ICE1: variants seen among roughly 807,000 people sequenced by gnomAD.
ICE1 encodes interactor of little elongation complex ELL subunit 1, also known as little elongation complex subunit 1.
ICE1 carries 64 observed loss-of-function variants against 192.7 expected under a neutral mutation model. The ratio of observed to expected loss-of-function variants is 0.33; its 90% CI spans 0.27 to 0.41. The LOEUF is 0.41. ICE1 is among the 10% of genes least tolerant of loss of function. The pLI is 1.00. For synonymous variants in ICE1, 1,010 were observed against 984.5 expected (o/e 1.03, Z -0.49); for missense variants, 2,708 against 2,696.0 (o/e 1.00, Z -0.10).
chr5:5,473,982 G>T (rs1007388844), intron 16 of ICE1, among the ~76,000 whole-genome samples: 1 of 152,020 alleles, frequency 6.6e-6, no homozygotes, highest in African/African-American at 2.4e-5. Context: ...AGGCCGAGGT[G>T]GGCAGATCAC....
chr5:5,444,569 C>T (rs1426922532), intron 7 of ICE1, among the ~76,000 whole-genome samples: 2 of 152,146 alleles, frequency 1.3e-5, no homozygotes, highest in East Asian at 1.9e-4. Flanking sequence ...TCAAAGTAAT[C>T]GCAGCCCATA....
intron 17 of ICE1, among the ~76,000 whole-genome samples, chr5:5,483,234 G>A (rs1347047549): frequency 6.6e-6 from 1 of 152,148 alleles, no homozygotes. Context: ...GGCCTCAGGT[G>A]ATCCTCCTGC....
At position 5,460,800 on chromosome 5, in the gene ICE1, G is replaced by A. The variant is rs1169723456; in HGVS notation, c.1466G>A (p.Arg489Lys). 4.3e-6 allele frequency: 7 copies of A among 1,613,904 alleles called. No homozygotes were observed. The highest frequency in any genetic ancestry group is 5.9e-6 in the Non-Finnish European group (7 of 1,179,906). The change falls in exon 13 of 19, where the codon AGG becomes AAG. Residue 489 changes from arginine to lysine, a missense_variant. Arg to Lys is a conservative substitution (Grantham distance 26, BLOSUM62 2). This residue lies in a region of ICE1 where 2,366 missense variants were observed against 2,276.6 expected (regional missense o/e 1.04). Coordinates refer to ENST00000296564, the MANE Select transcript of ICE1 (RefSeq NM_015325.3). Reference protein sequence around the residue: ...LHETKTQMEVREMDKSVQTEK... With the variant: ...LHETKTQMEVKEMDKSVQTEK... ...GAGACAAAAACACAAATGGAGGTTA[G>A]GGAGATGGATAAGTCAGTACAAACT...
In ICE1 at chr5:5,489,265, G is replaced by A. The variant is rs771335416; in HGVS notation, c.6736G>A (p.Val2246Ile). Residue 2246 changes from valine (V) to isoleucine (I), a missense_variant, in exon 19 of 19, where the codon GTT (valine) becomes ATT (isoleucine). Coordinates refer to ENST00000296564, the MANE Select transcript of ICE1 (RefSeq NM_015325.3). ...TTGGCGGAGAGAGGCCTCCAAAAGC[G>A]TTCCGTCTGCGATTGTCAGCTGCCT... is the stretch of plus-strand genomic sequence containing the variant. ...EAWRREASKS[V>I]PSAIVSCLEE... 1.3e-5 allele frequency: 21 copies of A among 1,613,650 alleles called. No individual in the cohort carries two copies. In the East Asian group the frequency reaches 2.0e-4, roughly 15 times the overall value.
At chr5:5,442,962 T>G (rs1265307825) in intron 5 of ICE1, among the ~76,000 whole-genome samples, 1 of 152,240 alleles carries the variant, frequency 6.6e-6, no homozygotes, top group Non-Finnish European at 1.5e-5. Context: ...ATATTGTTTT[T>G]AAGTTTTATA....
At position 5,461,041 on chromosome 5, in the gene ICE1, T is replaced by G; in HGVS notation, c.1707T>G (p.Ile569Met). 1 of 1,614,060 alleles carries G rather than the reference T, an allele frequency of 6.2e-7. No individual in the cohort carries two copies. Among genetic ancestry groups the G allele is most frequent in the African/African-American group, 1.3e-5 (1 of 75,066 alleles). The change falls in exon 13 of 19, where the codon ATT becomes ATG. Residue 569 changes from isoleucine (I) to methionine (M), a missense_variant. Transcript: ENST00000296564. ...PKSEFTKWTR[I>M]NEITSEPDRI... ...CAGAGTTTACTAAGTGGACACGAAT[T>G]AATGAAATCACTTCTGAACCAGACC...
intron 16 of ICE1, among the ~76,000 whole-genome samples, chr5:5,475,009 A>G (rs1426270937): frequency 6.6e-6 from 1 of 152,196 alleles, no homozygotes; most frequent in East Asian, 1.9e-4. Context: ...TAAATAAGAA[A>G]ATGACAGAAC....
At position 5,462,413 on chromosome 5, in the gene ICE1, TCTG is replaced by T; in HGVS notation, c.3080_3082del (p.Ser1027_Gly1028delinsCys). 1 of 1,613,932 alleles carries T rather than the reference TCTG, an allele frequency of 6.2e-7. No homozygotes were observed. The highest frequency in any genetic ancestry group is 1.1e-5 in the South Asian group (1 of 91,076). ...AACCAGCTGTGGAGACACAGGGAGA[TCTG>T]GTGGTGAGGCCCTGGCTGTTGCAAA... On this transcript the variant is annotated inframe_deletion, in exon 13 of 19. Transcript: ENST00000296564.
intron 1 of ICE1, among the ~76,000 whole-genome samples, chr5:5,432,934 C>T (rs1737764690): frequency 6.6e-6 from 1 of 152,098 alleles, no homozygotes; most frequent in African/African-American, 2.4e-5. Flanking sequence ...TTGCAAAGAG[C>T]GAGTAGCAGA....
At chr5:5,471,183 A>G (rs1376538422) in intron 15 of ICE1, among the ~76,000 whole-genome samples, 1 of 152,202 alleles carries the variant, frequency 6.6e-6, no homozygotes, top group Non-Finnish European at 1.5e-5. Flanking sequence ...AAGATTTGAA[A>G]TGGGAAAGTA....
Position 5,463,903 on chromosome 5 carries a change from T to G in ICE1, c.4569T>G (p.Ser1523=). 6.2e-7 allele frequency: 1 copy of G among 1,613,998 alleles called. No individual in the cohort carries two copies. The highest frequency in any genetic ancestry group is 1.6e-4 in the Middle Eastern group (1 of 6,062). The change falls in exon 13 of 19, where the codon TCT becomes TCG. Residue 1523 remains serine (S), a synonymous_variant. Coordinates refer to ENST00000296564, the MANE Select transcript of ICE1 (RefSeq NM_015325.3). ...RPVKPSIWIS[S]QIYDQNFETQ... ...TTAAGCCTAGTATATGGATTAGTTC[T>G]CAAATCTATGATCAAAACTTCGAGA...
intron 10 of ICE1, among the ~76,000 whole-genome samples, chr5:5,450,933 A>G (rs1738398425): frequency 6.6e-6 from 1 of 152,190 alleles, no homozygotes; most frequent in Non-Finnish European, 1.5e-5. Flanking sequence ...AAAGCAGACA[A>G]GGGATGGAAT....
intron 17 of ICE1, among the ~76,000 whole-genome samples, chr5:5,480,458 C>T (rs1394128439): frequency 6.6e-6 from 1 of 152,006 alleles, no homozygotes; most frequent in Non-Finnish European, 1.5e-5. Context: ...TCATGTTAGC[C>T]AGGATGGTCT....
In ICE1 at chr5:5,461,161, A is replaced by G. The variant is rs779375038; in HGVS notation, c.1827A>G (p.Glu609=). The change falls in exon 13 of 19, where the codon GAA becomes GAG. Residue 609 remains glutamate (E), a synonymous_variant. Transcript: ENST00000296564. ...TQGFTLGESP[E]SEDDDSGDGM... ...GGTTCACTTTAGGAGAATCACCTGA[A>G]TCAGAAGATGATGACTCAGGTGATG... 6.2e-7 allele frequency: 1 copy of G among 1,614,002 alleles called. No individual in the cohort carries two copies. The highest frequency in any genetic ancestry group is 1.1e-5 in the South Asian group (1 of 91,084).
intron 1 of ICE1, among the ~76,000 whole-genome samples, chr5:5,429,138 A>AC (rs1202184136): frequency 3.9e-5 from 6 of 152,268 alleles, no homozygotes; most frequent in Non-Finnish European, 5.9e-5. Context: ...TCGTGTTGTA[A>AC]CAGTACTTGT....
At chr5:5,473,208 A>G (rs1739214975) in intron 15 of ICE1, among the ~76,000 whole-genome samples, 1 of 152,216 alleles carries the variant, frequency 6.6e-6, no homozygotes, top group Non-Finnish European at 1.5e-5. Flanking sequence ...ATAGAATTTA[A>G]AGAATTTTTA....
In ICE1 at chr5:5,461,576, A is replaced by G; in HGVS notation, c.2242A>G (p.Lys748Glu). 6.2e-7 allele frequency: 1 copy of G among 1,613,214 alleles called. No individual in the cohort carries two copies. Among genetic ancestry groups the G allele is most frequent in the Non-Finnish European group, 8.5e-7 (1 of 1,179,518 alleles). The change falls in exon 13 of 19, where the codon AAA (lysine) becomes GAA (glutamate). Residue 748 changes from lysine (K) to glutamate (E), a missense_variant. Coordinates refer to ENST00000296564, the MANE Select transcript of ICE1 (RefSeq NM_015325.3). ...TCGGTCAGTATTTATGAAAGCTACA[A>G]AAGATGGGCAATGTGAAAGTCAAGA... ...LPRSVFMKAT[K>E]DGQCESQDPR...
chr5:5,465,452 A>AT (rs1561093011), intron 13 of ICE1, among the ~76,000 whole-genome samples: 1 of 152,156 alleles, frequency 6.6e-6, no homozygotes, highest in African/African-American at 2.4e-5. Context: ...AATTACTTAA[A>AT]TTTTTTTAAA....
chr5:5,474,392 C>T (rs144358200), intron 16 of ICE1, among the ~76,000 whole-genome samples: 7 of 152,082 alleles, frequency 4.6e-5, no homozygotes, highest in Admixed American at 3.3e-4. Context: ...CCCTAGCATG[C>T]GGAACAGTGC....
Sources: gnomAD v4.1 joint callset for allele counts (sites outside exome capture counted in the v4.1 genomes callset) on GRCh38, gnomAD v4.1.1 for gene constraint, gnomAD v4.1.1 regional missense constraint, MANE v1.5 for transcripts, NCBI Gene and HGNC (gene_info 2026-07-23, HGNC 2026-07-21) for gene names.